The following CIITA variants were observed in gnomAD, a reference collection of about 807,000 sequenced individuals.
CIITA encodes the protein MHC class II transactivator.
Under a neutral mutation model 115.1 loss-of-function variants are expected in CIITA, and 72 were observed. That is an observed-to-expected ratio of 0.63 (90% confidence interval 0.52 to 0.76). CIITA has a LOEUF of 0.76. Among genes scored for constraint, CIITA ranks in the 30% least tolerant of loss-of-function variants. The probability of loss-of-function intolerance (pLI) is 0.00; values close to 1 mark genes in which losing one functional copy is unlikely to be tolerated. For missense variants in CIITA, 1,617 were observed against 1,463.8 expected, an observed-to-expected ratio of 1.10 and a Z score of -1.71; for synonymous variants, 763 against 635.6, an observed-to-expected ratio of 1.20 and a Z score of -3.02.
At position 10,925,611 on chromosome 16, in the gene CIITA, A is replaced by G. The variant is rs2040499175; in HGVS notation, c.*1756A>G. On this transcript the variant is annotated 3_prime_UTR_variant, in exon 20 of 20. Coordinates refer to ENST00000324288, the MANE Select transcript of CIITA (RefSeq NM_000246.4). ...AGGTGTGAACCACCACACCCAGCCC[A>G]CTTCTGCCATATTCTGTTGGCCAGT... 6.6e-6 allele frequency: 1 copy of G among 152,360 alleles called. No individual in the cohort carries two copies. Among genetic ancestry groups the G allele is most frequent in the African/African-American group, 2.4e-5 (1 of 41,452 alleles). 9.4% of individuals were successfully genotyped at this position (152,360 alleles called of 1,614,324 possible).
chr16:10,902,999 T>C (rs1347064199), intron 8 of CIITA, among the ~76,000 whole-genome samples, 198 bp downstream of exon 8: 2 of 152,226 alleles, frequency 1.3e-5, no homozygotes, highest in Non-Finnish European at 2.9e-5. Flanking sequence ...GTGGTCTGGG[T>C]GCATGACCAA....
At chr16:10,867,422 G>A (rs1053524414) in intron 1 of CIITA, among the ~76,000 whole-genome samples, 1 of 151,692 alleles carries the variant, frequency 6.6e-6, no homozygotes, top group African/African-American at 2.4e-5. Context: ...GAGGGAGAGC[G>A]AGAAAGGAAG....
In CIITA at chr16:10,886,057, C is replaced by CTTTTTTTTTTT. The variant is rs71133402; in HGVS notation, c.52+8681_52+8691dup. ...TGTGCTCTTATAAAACATGTTTTGC[C>CTTTTTTTTTTT]TTTTTTTTTTTTTTTTAGATGGAGT... On this transcript the variant is annotated intron_variant, in intron 1 of 19. Coordinates refer to ENST00000324288, the MANE Select transcript of CIITA (RefSeq NM_000246.4). 1.5e-5 allele frequency among the ~76,000 whole-genome samples: 2 copies of CTTTTTTTTTTT among 132,182 alleles called. 1 individual carries two copies. The highest frequency in any genetic ancestry group is 3.2e-5 in the Non-Finnish European group (2 of 63,374). The allele number at this position is 132,182 out of a possible 152,430, so 86.7% of individuals were successfully genotyped here.
In CIITA at chr16:10,942,206, GC is replaced by G; in HGVS notation, n.1337del. On this transcript the variant is annotated non_coding_transcript_exon_variant, in exon 2 of 2. Coordinates refer to the CIITA transcript ENST00000573379. The surrounding 1 kb of genome is among the most constrained non-coding windows in gnomAD (Gnocchi z 5.0). ...GGCGGGTCACCGCACCCCGAGATGT[GC>G]CCCCAAGGATCTCTCGACCGCCCGG... is the stretch of plus-strand genomic sequence containing the variant. The G allele has an allele frequency of 2.3e-6, 1 of 437,540 alleles. No individual in the cohort carries two copies. Among genetic ancestry groups the G allele is most frequent in the Non-Finnish European group, 3.9e-6 (1 of 254,622 alleles). The allele number at this position is 437,540 out of a possible 1,614,324, so 27.1% of individuals were successfully genotyped here. A position where few individuals can be genotyped will look rare whatever the true frequency, so the allele number is the denominator to read the frequency against.
At position 10,889,018 on chromosome 16, in the gene CIITA, C is replaced by A. The variant is rs191282213; in HGVS notation, c.53-6264C>A. On this transcript the variant is annotated intron_variant, in intron 1 of 19. Coordinates refer to ENST00000324288, the MANE Select transcript of CIITA (RefSeq NM_000246.4). ...ACGAGTCATGTCATTTGGTACCTGG[C>A]ACTTGCTGGACACTGTGAATTCTAG... 2.6e-3 allele frequency among the ~76,000 whole-genome samples: 398 copies of A among 152,322 alleles called. 3 individuals carry two copies. The highest frequency in any genetic ancestry group is 0.01 in the Admixed American group (156 of 15,298).
In CIITA at chr16:10,907,031, C is replaced by T. The variant is rs2144711936; in HGVS notation, c.1539C>T (p.Ser513=). Residue 513 remains serine (S), a synonymous_variant, in exon 11 of 20, where the codon AGC becomes AGT. Transcript: ENST00000324288. This position sits in a 1 kb window ranked among gnomAD's most constrained non-coding sequence, Gnocchi z 5.0. ...AAGCGCAAGATGGCTTCCTGCACAG[C>T]ACGTGCGGACCGGCACCGGCGGAGC... is the stretch of plus-strand genomic sequence containing the variant. ...ELEAQDGFLH[S]TCGPAPAEPC... 6.2e-7 allele frequency: 1 copy of T among 1,608,028 alleles called. No homozygotes were observed. The highest frequency in any genetic ancestry group is 8.5e-7 in the Non-Finnish European group (1 of 1,179,940).
intron 2 of CIITA, 27 bp from the exon 3 acceptor site, chr16:10,895,642 C>A: frequency 1.2e-6 from 2 of 1,613,798 alleles, no homozygotes; most frequent in Middle Eastern, 3.3e-4. Flanking sequence ...AAATTTCCTT[C>A]TTCATCCAAG....
rs140256922 is a variant in CIITA, at chr16:10,917,091, A to G, written c.3062+632A>G. The G allele has an allele frequency of 3.5e-4, 75 of 215,910 alleles. No individual in the cohort carries two copies. In the East Asian group the frequency reaches 4.8e-3, roughly 14 times the overall value. 13.4% of individuals were successfully genotyped at this position (215,910 alleles called of 1,614,324 possible). A position where few individuals can be genotyped will look rare whatever the true frequency, so the allele number is the denominator to read the frequency against. ...ATAGATTAGGATTTATCAATAAAGC[A>G]TTATTATCAAAACAGTAAAACTTTT... On this transcript the variant is annotated intron_variant, in intron 15 of 19. Coordinates refer to ENST00000324288, the MANE Select transcript of CIITA (RefSeq NM_000246.4).
At chr16:10,887,927 A>G (rs1434256865) in intron 1 of CIITA, among the ~76,000 whole-genome samples, 1 of 152,196 alleles carries the variant, frequency 6.6e-6, no homozygotes, top group African/African-American at 2.4e-5. Context: ...GGAAGAAAAC[A>G]TCTAATGAAC....
intron 13 of CIITA, chr16:10,913,286 T>C (rs2039708311): frequency 6.6e-6 from 1 of 151,648 alleles, no homozygotes; most frequent in Non-Finnish European, 1.5e-5. Flanking sequence ...TTTCTTTCTT[T>C]CTTTCCCTTT....
chr16:10,917,876 T>A (rs749343959), intron 15 of CIITA, among the ~76,000 whole-genome samples: 2 of 152,158 alleles, frequency 1.3e-5, no homozygotes, highest in Non-Finnish European at 2.9e-5. Context: ...TTACCGGAAT[T>A]TACTTAGCAA....
downstream of CIITA, chr16:10,938,279 T>C (rs1326615026): frequency 1.3e-5 from 2 of 151,930 alleles, no homozygotes; most frequent in African/African-American, 4.8e-5. The surrounding 1 kb of genome is among the most constrained non-coding windows in gnomAD (Gnocchi z 4.9). Flanking sequence ...CCCAGGGCCC[T>C]GGCTCTTAAC....
chr16:10,910,383 T>G lies in CIITA; in HGVS notation c.2888+124T>G. 3.5e-6 allele frequency: 3 copies of G among 861,888 alleles called. No individual in the cohort carries two copies. In the South Asian group the frequency reaches 4.3e-5, roughly 12 times the overall value. The allele number at this position is 861,888 out of a possible 1,614,324, so 53.4% of individuals were successfully genotyped here. On this transcript the variant is annotated intron_variant, in intron 13 of 19. Transcript: ENST00000324288. ...CATTCTTACCCTCTTGCCCACCACTTTGGAAATAGCTTCCAGCAGCTGGAA... is the reference window on the plus strand; with the variant it reads ...CATTCTTACCCTCTTGCCCACCACTGTGGAAATAGCTTCCAGCAGCTGGAA...
intron 3 of CIITA, among the ~76,000 whole-genome samples, chr16:10,897,632 C>G (rs1428289573): frequency 6.6e-6 from 1 of 152,144 alleles, no homozygotes; most frequent in African/African-American, 2.4e-5. Flanking sequence ...GAAATATGAC[C>G]TTAGCTTCTA....
chr16:10,910,936 T>G (rs1231262808), intron 13 of CIITA, among the ~76,000 whole-genome samples: 1 of 152,104 alleles, frequency 6.6e-6, no homozygotes, highest in Non-Finnish European at 1.5e-5. Flanking sequence ...GGGACTATCC[T>G]GGTTTGAAAA....
Position 10,929,281 on chromosome 16 carries a change from A to T in CIITA, c.*5426A>T. ...GTTTGAAGTGTCCTCTCCGAAGGTGAAGTGGGGGAAGCAGGTGCGCTCCGG... is the reference window on the plus strand; with the variant it reads ...GTTTGAAGTGTCCTCTCCGAAGGTGTAGTGGGGGAAGCAGGTGCGCTCCGG... On this transcript the variant is annotated 3_prime_UTR_variant, in exon 20 of 20. Transcript: ENST00000324288. The surrounding 1 kb of genome is among the most constrained non-coding windows in gnomAD (Gnocchi z 4.3). 2.0e-6 allele frequency: 2 copies of T among 985,710 alleles called. No individual in the cohort carries two copies. The highest frequency in any genetic ancestry group is 2.4e-6 in the Non-Finnish European group (2 of 829,922). 61.1% of individuals were successfully genotyped at this position (985,710 alleles called of 1,614,324 possible). A position where few individuals can be genotyped will look rare whatever the true frequency, so the allele number is the denominator to read the frequency against.
intron 11 of CIITA, 115 bp from the exon 12 acceptor site, chr16:10,908,914 G>A (rs1221811448): frequency 2.0e-6 from 3 of 1,472,832 alleles, no homozygotes; most frequent in Non-Finnish European, 9.4e-7. Context: ...GAAAGGTAGA[G>A]GTTGAGCTAA....
chr16:10,892,880 C>T (rs924460516), intron 1 of CIITA, among the ~76,000 whole-genome samples: 3 of 152,048 alleles, frequency 2.0e-5, no homozygotes, highest in South Asian at 2.1e-4. Context: ...TGCAGTGAGC[C>T]GATACAGCGC....
intron 1 of CIITA, among the ~76,000 whole-genome samples, chr16:10,881,859 C>T (rs2036465928): frequency 1.3e-5 from 2 of 152,158 alleles, no homozygotes; most frequent in African/African-American, 4.8e-5. Flanking sequence ...CTCGTGGTAA[C>T]TCCAACTTCC....
Sources: allele counts gnomAD v4.1 joint callset (sites outside exome capture counted in the v4.1 genomes callset), GRCh38; gene constraint gnomAD v4.1.1; non-coding constraint Gnocchi (gnomAD v3.1); transcripts MANE v1.5; gene names NCBI Gene and HGNC (gene_info 2026-07-23, HGNC 2026-07-21).